ATRNL1: variants seen among roughly 807,000 people sequenced by gnomAD.
ATRNL1 encodes the protein attractin-like protein 1.
ATRNL1 carries 95 observed loss-of-function variants against 182.7 expected under a neutral mutation model. The ratio of observed to expected loss-of-function variants is 0.52; its 90% CI spans 0.44 to 0.62. The LOEUF is 0.62. ATRNL1 is among the 20% of genes least tolerant of loss of function. ATRNL1 has a pLI of 0.00. For synonymous variants in ATRNL1, 576 were observed against 568.3 expected (o/e 1.01, Z -0.19); for missense variants, 1,471 against 1,679.5 (o/e 0.88, Z 2.17).
At chr10:115,265,307 G>C (rs1445082738) in intron 11 of ATRNL1, 30 bp downstream of exon 11, 2 of 1,398,180 alleles carry the variant, frequency 1.4e-6, no homozygotes, top group Non-Finnish European at 2.0e-6. Context: ...AATTTTTAGA[G>C]GGTCACTTAT....
intron 28 of ATRNL1, among the ~76,000 whole-genome samples, chr10:115,853,580 T>C (rs1951105200): frequency 6.6e-6 from 1 of 152,200 alleles, no homozygotes; most frequent in African/African-American, 2.4e-5. Flanking sequence ...TCTGCCACCA[T>C]ATCTTCACAC....
intron 27 of ATRNL1, among the ~76,000 whole-genome samples, chr10:115,806,938 GA>G (rs1949933241): frequency 6.6e-6 from 1 of 152,038 alleles, no homozygotes; most frequent in African/African-American, 2.4e-5. Context: ...TAACATTTAA[GA>G]AAAATCATCT....
chr10:115,862,483 T>TG (rs1951338453), intron 28 of ATRNL1, among the ~76,000 whole-genome samples: 1 of 152,194 alleles, frequency 6.6e-6, no homozygotes, highest in Admixed American at 6.5e-5. Flanking sequence ...CTCAGCCAAC[T>TG]TTTTTCATAT....
intron 8 of ATRNL1, among the ~76,000 whole-genome samples, chr10:115,200,068 A>T (rs1184710088): frequency 6.6e-6 from 1 of 152,124 alleles, no homozygotes; most frequent in Non-Finnish European, 1.5e-5. Context: ...AGATGAACTA[A>T]TCTAGTGATT....
intron 27 of ATRNL1, among the ~76,000 whole-genome samples, chr10:115,785,561 T>C (rs1949376359): frequency 6.6e-6 from 1 of 152,252 alleles, no homozygotes; most frequent in Non-Finnish European, 1.5e-5. Flanking sequence ...CTTTTCTAGA[T>C]AATCTCTTGT....
chr10:115,572,220 A>G (rs1555003702), intron 26 of ATRNL1, among the ~76,000 whole-genome samples: 1 of 152,268 alleles, frequency 6.6e-6, no homozygotes. Flanking sequence ...AAAATGTTAA[A>G]AGAAAGTCAT....
intron 21 of ATRNL1, among the ~76,000 whole-genome samples, chr10:115,449,472 C>T (rs2134477717): frequency 6.6e-6 from 1 of 152,278 alleles, no homozygotes; most frequent in Non-Finnish European, 1.5e-5. Flanking sequence ...CTGATTCTTC[C>T]TGGATGCTGA....
intron 26 of ATRNL1, among the ~76,000 whole-genome samples, chr10:115,611,232 GA>G (rs1189910784): frequency 2.0e-5 from 3 of 151,868 alleles, no homozygotes; most frequent in African/African-American, 7.2e-5. Context: ...AAGAAAATTG[GA>G]AAAATAATTT....
chr10:115,162,397 G>T (rs1412861965), intron 6 of ATRNL1, among the ~76,000 whole-genome samples: 1 of 151,978 alleles, frequency 6.6e-6, no homozygotes, highest in Non-Finnish European at 1.5e-5. Context: ...AAAAGAGCCA[G>T]ATCAAAGACT....
chr10:115,256,041 G>C lies in ATRNL1; in HGVS notation c.1688-9152G>C, dbSNP rs1048790137. On this transcript the variant is annotated intron_variant, in intron 10 of 28. Transcript: ENST00000355044. ...ATGTGCTGATGGATTTGGTTTGCCA[G>C]TATTTTATTGAGGATTTTCACATCG... is the stretch of plus-strand genomic sequence containing the variant. Among the ~76,000 whole-genome samples, 35 of 152,200 alleles carry C rather than the reference G, an allele frequency of 2.3e-4. 1 individual carries two copies. The highest frequency in any genetic ancestry group is 1.3e-4 in the Admixed American group (2 of 15,284).
chr10:115,387,535 C>T (rs1243058511), intron 19 of ATRNL1, among the ~76,000 whole-genome samples: 1 of 152,176 alleles, frequency 6.6e-6, no homozygotes, highest in East Asian at 1.9e-4. Flanking sequence ...CAGTGTTGTG[C>T]AGCCAACACC....
chr10:115,176,603 C>T (rs1847518719), intron 8 of ATRNL1, among the ~76,000 whole-genome samples: 1 of 151,832 alleles, frequency 6.6e-6, no homozygotes, highest in African/African-American at 2.4e-5. Flanking sequence ...AGGGTGATTC[C>T]AAAATTTTGG....
chr10:115,200,600 G>A (rs1237420833), intron 8 of ATRNL1, among the ~76,000 whole-genome samples: 3 of 141,016 alleles, frequency 2.1e-5, no homozygotes, highest in Admixed American at 1.4e-4. Context: ...GTGTATATGT[G>A]CCACATTTTC....
intron 24 of ATRNL1, among the ~76,000 whole-genome samples, chr10:115,487,868 G>A (rs1005314605): frequency 6.6e-6 from 1 of 152,148 alleles, no homozygotes; most frequent in African/African-American, 2.4e-5. Context: ...CTGTGCATTT[G>A]TCATAAATAG....
Position 115,696,153 on chromosome 10 carries a change from C to T in ATRNL1, c.3796-31095C>T, listed in dbSNP as rs528537272. Among the ~76,000 whole-genome samples, 5 of 152,306 alleles carry T rather than the reference C, an allele frequency of 3.3e-5. No homozygotes were observed. In the South Asian group the frequency reaches 6.2e-4, roughly 19 times the overall value. ...GAGCTCGTGATCCGCCTGCCTTGGC[C>T]TCCCAAAGTGCTGGGATTACAGCGG... On this transcript the variant is annotated intron_variant, in intron 26 of 28. Coordinates refer to ENST00000355044, the MANE Select transcript of ATRNL1 (RefSeq NM_207303.4).
intron 1 of ATRNL1, among the ~76,000 whole-genome samples, chr10:115,113,454 A>C (rs1416216858): frequency 6.6e-6 from 1 of 152,128 alleles, no homozygotes; most frequent in Non-Finnish European, 1.5e-5. Flanking sequence ...CTGTGTCCCC[A>C]CCCAAATCTT....
Position 115,462,035 on chromosome 10 carries a change from G to A in ATRNL1, c.3417G>A (p.Gln1139=). 1 of 1,592,856 alleles carries A rather than the reference G, an allele frequency of 6.3e-7. No homozygotes were observed. Among genetic ancestry groups the A allele is most frequent in the East Asian group, 2.3e-5 (1 of 44,124 alleles). The change falls in exon 22 of 29, where the codon CAG becomes CAA. Residue 1139 remains glutamine (Q), a splice_region_variant and synonymous_variant. Transcript: ENST00000355044. ...TAAACTTTATAGCAAACCCAGAACA[G>A]GTGAGGAAAAATTGTTATCTTTTAA... The part of the protein sequence containing the change: ...TAINFIANPE[Q]SNKNLDISIN...
chr10:115,115,318 C>A (rs776720115), intron 1 of ATRNL1, among the ~76,000 whole-genome samples: 4 of 151,948 alleles, frequency 2.6e-5, no homozygotes, highest in African/African-American at 9.7e-5. Flanking sequence ...ATTTCGTTGG[C>A]GTTCTATTGT....
At chr10:115,142,630 G>T (rs1240860855) in intron 5 of ATRNL1, among the ~76,000 whole-genome samples, 1 of 152,168 alleles carries the variant, frequency 6.6e-6, no homozygotes, top group Admixed American at 6.5e-5. Context: ...GTATTATGTG[G>T]CTTAGTTTTA....
Sources: allele counts gnomAD v4.1 joint callset (sites outside exome capture counted in the v4.1 genomes callset), GRCh38; gene constraint gnomAD v4.1.1; transcripts MANE v1.5; gene names NCBI Gene and HGNC (gene_info 2026-07-23, HGNC 2026-07-21).